Variants in RNF115 observed in about 807,000 individuals in gnomAD.
RNF115 encodes the protein ring finger protein 115.
RNF115 carries 31 observed loss-of-function variants against 39.2 expected under a neutral mutation model. That is an observed-to-expected ratio of 0.79 (90% confidence interval 0.59 to 1.07). The LOEUF (loss-of-function observed/expected upper bound fraction) is 1.07, where lower values mean the gene tolerates loss of function less well. RNF115 is among the 50% of genes least tolerant of loss of function. RNF115 has a pLI of 0.00. For missense variants in RNF115, 384 were observed against 381.7 expected, an observed-to-expected ratio of 1.01 and a Z score of -0.05; for synonymous variants, 124 against 131.0, an observed-to-expected ratio of 0.95 and a Z score of 0.37.
chr1:145,823,828 C>T lies in RNF115; in HGVS notation c.46G>A (p.Ala16Thr), dbSNP rs782784288. Residue 16 changes from alanine (A) to threonine (T), a missense_variant, in exon 1 of 9, where the codon GCC becomes ACC. Coordinates refer to ENST00000582693, the MANE Select transcript of RNF115 (RefSeq NM_014455.4). ...AAGADSGAAV[A>T]AHRFFCHFCK... ...AAGTGGCAGAAAAACCGGTGGGCGGCTACAGCGGCGCCCGAGTCCGCCCCG... is the reference window on the plus strand; with the variant it reads ...AAGTGGCAGAAAAACCGGTGGGCGGTTACAGCGGCGCCCGAGTCCGCCCCG... 5 of 1,582,454 alleles carry T rather than the reference C, an allele frequency of 3.2e-6. No homozygotes were observed. In the Admixed American group the frequency reaches 7.1e-5, roughly 22 times the overall value.
At chr1:145,747,394 G>A (rs1657915647) in intron 8 of RNF115, among the ~76,000 whole-genome samples, 1 of 152,152 alleles carries the variant, frequency 6.6e-6, no homozygotes, top group Non-Finnish European at 1.5e-5. Flanking sequence ...GCTCACACCT[G>A]TGATCCCAAT....
intron 3 of RNF115, among the ~76,000 whole-genome samples, chr1:145,783,694 A>G (rs782601448): frequency 6.6e-6 from 1 of 152,140 alleles, no homozygotes; most frequent in South Asian, 2.1e-4. Flanking sequence ...ACACATACAA[A>G]CAAGCAAAAG....
intron 1 of RNF115, among the ~76,000 whole-genome samples, chr1:145,802,157 A>G (rs1553720953): frequency 6.6e-6 from 1 of 152,138 alleles, no homozygotes; most frequent in Non-Finnish European, 1.5e-5. Context: ...ACCTAGAATC[A>G]CTGGAAACAG....
At chr1:145,784,840 T>C (rs1448104620) in intron 2 of RNF115, among the ~76,000 whole-genome samples, 1 of 152,056 alleles carries the variant, frequency 6.6e-6, no homozygotes, top group South Asian at 2.1e-4. Context: ...GAAGCCACCA[T>C]AGAGAAGGAA....
At chr1:145,789,988 A>G (rs1387256959) in intron 1 of RNF115, among the ~76,000 whole-genome samples, 3 of 151,958 alleles carry the variant, frequency 2.0e-5, no homozygotes, top group African/African-American at 7.3e-5. Context: ...ACGAGCCACC[A>G]CGCCCAGTCC....
chr1:145,746,645 T>G lies in RNF115; in HGVS notation c.*221A>C. The G allele has an allele frequency of 2.0e-6, 1 of 501,050 alleles. No homozygotes were observed. Among genetic ancestry groups the G allele is most frequent in the South Asian group, 3.1e-5 (1 of 32,698 alleles). 31.0% of individuals were successfully genotyped at this position (501,050 alleles called of 1,614,324 possible). On this transcript the variant is annotated 3_prime_UTR_variant, in exon 9 of 9. Transcript: ENST00000582693. ...TAATTAAGTTTCACACTTATAAAAT[T>G]ATCACTCTGAATTCAGGGATAAGAG...
intron 1 of RNF115, among the ~76,000 whole-genome samples, chr1:145,794,544 C>T (rs1405621312): frequency 7.9e-6 from 1 of 126,036 alleles, no homozygotes; most frequent in Admixed American, 9.1e-5. Context: ...GAGTCTCACT[C>T]TGACGCACAG....
At chr1:145,771,633 C>A in intron 4 of RNF115, 78 bp downstream of exon 4, 1 of 1,142,038 alleles carries the variant, frequency 8.8e-7, no homozygotes, top group South Asian at 1.4e-5. Flanking sequence ...AAGTATGAGA[C>A]CCTTATAAAG....
chr1:145,759,361 A>G (rs750118237), intron 4 of RNF115, among the ~76,000 whole-genome samples: 25 of 152,162 alleles, frequency 1.6e-4, no homozygotes, highest in Non-Finnish European at 4.4e-5. Context: ...AAACTGAATG[A>G]ACTCTTAAAT....
chr1:145,783,965 T>G (rs903753327), intron 3 of RNF115, among the ~76,000 whole-genome samples: 1 of 152,166 alleles, frequency 6.6e-6, no homozygotes, highest in African/African-American at 2.4e-5. Context: ...CAGTTAAGAT[T>G]TGTTTTTCCC....
At chr1:145,766,697 A>T (rs1647300559) in intron 4 of RNF115, among the ~76,000 whole-genome samples, 2 of 116,696 alleles carry the variant, frequency 1.7e-5, no homozygotes, top group African/African-American at 6.4e-5. Flanking sequence ...TCCCTCCCGG[A>T]CGGGGCGGCT....
At chr1:145,747,104 G>A in intron 8 of RNF115, 107 bp from the exon 9 acceptor site, 2 of 1,189,254 alleles carry the variant, frequency 1.7e-6, no homozygotes, top group Non-Finnish European at 2.4e-6. Context: ...TTATGACATG[G>A]AACAGAAAAA....
chr1:145,739,758 T>G lies in RNF115; in HGVS notation c.*7108A>C, dbSNP rs1159629418. On this transcript the variant is annotated 3_prime_UTR_variant, in exon 9 of 9. Transcript: ENST00000582693. ...CCATGCCTGGCTAATTTTTGTGTTT[T>G]TGGTAGAGACGGGGTTTCACCATGT... The G allele has an allele frequency of 6.6e-6, 1 of 152,216 alleles. No individual in the cohort carries two copies. Among genetic ancestry groups the G allele is most frequent in the African/African-American group, 2.4e-5 (1 of 41,410 alleles). 9.4% of individuals were successfully genotyped at this position (152,216 alleles called of 1,614,324 possible).
At chr1:145,788,869 T>A (rs1553718517) in intron 2 of RNF115, 39 bp downstream of exon 2, 2 of 1,418,668 alleles carry the variant, frequency 1.4e-6, no homozygotes, top group Non-Finnish European at 9.9e-7. Context: ...ATAGTTTTGA[T>A]AATAGAATGT....
intron 3 of RNF115, 115 bp from the exon 4 acceptor site, chr1:145,772,034 T>C: frequency 3.7e-6 from 3 of 800,636 alleles, no homozygotes; most frequent in Non-Finnish European, 6.0e-6. Flanking sequence ...TATGTCTTCT[T>C]CTGCAGAGGT....
At chr1:145,785,780 T>C (rs994755586) in intron 2 of RNF115, among the ~76,000 whole-genome samples, 3 of 152,216 alleles carry the variant, frequency 2.0e-5, no homozygotes, top group Admixed American at 6.5e-5. Flanking sequence ...TGCCACTCTT[T>C]ATGCAACCAT....
intron 1 of RNF115, among the ~76,000 whole-genome samples, chr1:145,813,967 C>A (rs1649848297): frequency 7.2e-6 from 1 of 139,574 alleles, no homozygotes. Context: ...CCTCCAGCCC[C>A]TAGTTCCAAA....
chr1:145,794,704 G>A lies in RNF115; in HGVS notation c.103-5738C>T, dbSNP rs182375162. 7.3e-5 allele frequency among the ~76,000 whole-genome samples: 11 copies of A among 151,470 alleles called. No individual in the cohort carries two copies. The East Asian group carries it at 2.1e-3, about 29-fold the overall frequency. On this transcript the variant is annotated intron_variant, in intron 1 of 8. Coordinates refer to ENST00000582693, the MANE Select transcript of RNF115 (RefSeq NM_014455.4). ...AAAATGAAGCGCGGACCCTCCCGGT[G>A]AGTGTTACACTTCTTAAAGATGGTG...
At chr1:145,771,018 T>C (rs1237647327) in intron 4 of RNF115, among the ~76,000 whole-genome samples, 1 of 152,228 alleles carries the variant, frequency 6.6e-6, no homozygotes, top group East Asian at 1.9e-4. Context: ...ACTGTTCCAA[T>C]CTGTTGAAAT....
Sources: gnomAD v4.1 joint callset for allele counts (sites outside exome capture counted in the v4.1 genomes callset) on GRCh38, gnomAD v4.1.1 for gene constraint, MANE v1.5 for transcripts, NCBI Gene and HGNC (gene_info 2026-07-23, HGNC 2026-07-21) for gene names.